PUM2: variants seen among roughly 807,000 people sequenced by gnomAD.
The protein encoded by PUM2 is pumilio homolog 2.
In PUM2, 57 loss-of-function variants were observed where a neutral mutation model predicts 124.5. That is an observed-to-expected ratio of 0.46 (90% CI 0.37 to 0.57). The LOEUF (loss-of-function observed/expected upper bound fraction) is 0.57. Ranked by LOEUF, PUM2 falls within the 20% of genes least tolerant of loss-of-function variation. The pLI is 0.00. For synonymous variants in PUM2, 460 were observed against 446.1 expected (o/e 1.03, Z -0.39); for missense variants, 1,065 against 1,290.6 (o/e 0.83, Z 2.68).
chr2:20,278,202 A>C (rs1670683294), intron 13 of PUM2, among the ~76,000 whole-genome samples: 1 of 152,198 alleles, frequency 6.6e-6, no homozygotes, highest in Non-Finnish European at 1.5e-5. Flanking sequence ...AACCTAGTTC[A>C]GTAGCTATGT....
At chr2:20,263,521 T>A in intron 13 of PUM2, 61 bp from the exon 14 acceptor site, 1 of 1,496,030 alleles carries the variant, frequency 6.7e-7, no homozygotes, top group Non-Finnish European at 9.1e-7. Flanking sequence ...CAAATAAAAT[T>A]TACTTTAGCT....
chr2:20,345,718 A>G (rs1044938468), intron 1 of PUM2, among the ~76,000 whole-genome samples: 5 of 152,148 alleles, frequency 3.3e-5, no homozygotes, highest in African/African-American at 1.2e-4. Context: ...CCAAAAATAC[A>G]AAAATTAGCC....
At chr2:20,321,330 G>C (rs1259150432) in intron 2 of PUM2, among the ~76,000 whole-genome samples, 1 of 152,100 alleles carries the variant, frequency 6.6e-6, no homozygotes, top group Non-Finnish European at 1.5e-5. Flanking sequence ...TGTTTACCTG[G>C]GCTGGGAAGC....
intron 13 of PUM2, among the ~76,000 whole-genome samples, chr2:20,265,249 CAAA>C (rs113132877): frequency 3.9e-5 from 3 of 77,642 alleles, no homozygotes; most frequent in Non-Finnish European, 5.8e-5. Flanking sequence ...GAAACCGTCA[CAAA>C]AAAAAAAAAA....
rs1339234914 is a variant in PUM2 at position 20,261,607 on chromosome 2, G to C, written c.2226-1141C>G. Among the ~76,000 whole-genome samples, 4 of 151,536 alleles carry C rather than the reference G, an allele frequency of 2.6e-5. No individual in the cohort carries two copies. The East Asian group carries it at 7.7e-4, about 29-fold the overall frequency. On this transcript the variant is annotated intron_variant, in intron 14 of 20. Transcript: ENST00000361078. ...CAGAAAAAGCACTGTTATCATAGGA[G>C]AGGACAGCTCCATAGGTGTTGCTGC... is the stretch of plus-strand genomic sequence containing the variant.
intron 7 of PUM2, among the ~76,000 whole-genome samples, chr2:20,306,514 C>A (rs562089928): frequency 6.0e-5 from 9 of 149,932 alleles, no homozygotes; most frequent in African/African-American, 2.2e-4. Context: ...AGGGATAAAG[C>A]GGGTGGGGAA....
chr2:20,275,278 T>C (rs1371139430), intron 13 of PUM2, among the ~76,000 whole-genome samples: 1 of 151,876 alleles, frequency 6.6e-6, no homozygotes, highest in East Asian at 1.9e-4. Context: ...CTGAAACATA[T>C]CAATTATCCC....
At chr2:20,327,051 C>A (rs959113688) in intron 2 of PUM2, among the ~76,000 whole-genome samples, 9 of 151,266 alleles carry the variant, frequency 5.9e-5, no homozygotes, top group African/African-American at 2.2e-4. Context: ...TAGTTCATTA[C>A]CAAAATATAA....
intron 10 of PUM2, among the ~76,000 whole-genome samples, chr2:20,286,067 T>G (rs1018960511): frequency 6.6e-6 from 1 of 152,170 alleles, no homozygotes; most frequent in Non-Finnish European, 1.5e-5. Context: ...GGCCAGATCC[T>G]TACAGGTCAC....
At chr2:20,329,457 G>C (rs201650475) in intron 1 of PUM2, among the ~76,000 whole-genome samples, 4 of 148,586 alleles carry the variant, frequency 2.7e-5, no homozygotes, top group Non-Finnish European at 6.0e-5. Flanking sequence ...AAAAAGAAAA[G>C]ACAAAGAAAA....
intron 7 of PUM2, among the ~76,000 whole-genome samples, chr2:20,303,132 T>C (rs940062782): frequency 6.6e-6 from 1 of 152,126 alleles, no homozygotes; most frequent in African/African-American, 2.4e-5. Context: ...TTGAGCTGGA[T>C]TCCTGTCTCC....
At chr2:20,291,991 T>C (rs1674218346) in intron 9 of PUM2, among the ~76,000 whole-genome samples, 1 of 151,296 alleles carries the variant, frequency 6.6e-6, no homozygotes. Flanking sequence ...CAAAGTCCTT[T>C]AGTTGGTGTG....
At chr2:20,300,467 G>A (rs1345905302) in intron 7 of PUM2, among the ~76,000 whole-genome samples, 2 of 152,102 alleles carry the variant, frequency 1.3e-5, no homozygotes, top group Non-Finnish European at 2.9e-5. Context: ...AATTTTAAGA[G>A]CACCGTGGCC....
At chr2:20,330,896 A>G (rs1684767280) in intron 1 of PUM2, among the ~76,000 whole-genome samples, 1 of 152,216 alleles carries the variant, frequency 6.6e-6, no homozygotes, top group African/African-American at 2.4e-5. Context: ...AGGGTCAGAA[A>G]TGAGTTAGAC....
chr2:20,258,437 G>A (rs1301947905), intron 15 of PUM2, 66 bp from the exon 16 acceptor site: 1 of 1,494,440 alleles, frequency 6.7e-7, no homozygotes, highest in Non-Finnish European at 9.2e-7. Context: ...CTTGAGTAAG[G>A]CAGTGTTTGC....
At chr2:20,265,917 C>G (rs550202434) in intron 13 of PUM2, among the ~76,000 whole-genome samples, 1 of 152,284 alleles carries the variant, frequency 6.6e-6, no homozygotes, top group Admixed American at 6.5e-5. Context: ...TACGTACTCA[C>G]CCCAGGAAAT....
intron 7 of PUM2, among the ~76,000 whole-genome samples, chr2:20,305,965 A>C (rs1678167239): frequency 6.6e-6 from 1 of 152,208 alleles, no homozygotes. Flanking sequence ...TCACGCCTGT[A>C]ATCCCAGCAC....
rs146841048 is a variant in PUM2, at chr2:20,298,817, C to A, written c.884-1139G>T. Among the ~76,000 whole-genome samples the A allele has an allele frequency of 7.0e-3, 1,071 of 152,192 alleles. 18 individuals carry two copies. The highest frequency in any genetic ancestry group is 0.025 in the African/African-American group (1,035 of 41,518). On this transcript the variant is annotated intron_variant, in intron 7 of 20. Coordinates refer to ENST00000361078, the MANE Select transcript of PUM2 (RefSeq NM_015317.5). ...TAACGCCACTGCACTCCAGCCTGGGCAAGAGGGCGAGACTCCGTCTCAGAA... is the reference window on the plus strand; with the variant it reads ...TAACGCCACTGCACTCCAGCCTGGGAAAGAGGGCGAGACTCCGTCTCAGAA...
intron 13 of PUM2, among the ~76,000 whole-genome samples, chr2:20,275,730 G>C (rs764508271): frequency 6.6e-6 from 1 of 151,908 alleles, no homozygotes; most frequent in African/African-American, 2.4e-5. Context: ...ACAGGAAAGA[G>C]ACATAGGAAC....
Sources: allele counts gnomAD v4.1 joint callset (sites outside exome capture counted in the v4.1 genomes callset), GRCh38; gene constraint gnomAD v4.1.1; transcripts MANE v1.5; gene names NCBI Gene and HGNC (gene_info 2026-07-23, HGNC 2026-07-21).